Variants in KDM4D observed in about 807,000 individuals in gnomAD.
KDM4D encodes lysine demethylase 4D, also known as lysine-specific demethylase 4D.
For missense variants in KDM4D, 427 were observed against 674.8 expected (o/e 0.63, Z 4.07); for synonymous variants, 254 against 249.1 (o/e 1.02, Z -0.19).
At chr11:94,988,875 TAGAG>T (rs1400182258) in intron 2 of KDM4D, among the ~76,000 whole-genome samples, 5 of 151,814 alleles carry the variant, frequency 3.3e-5, no homozygotes, top group African/African-American at 1.2e-4. Context: ...TCTAACATAA[TAGAG>T]AGGGAAAGGG....
intron 2 of KDM4D, among the ~76,000 whole-genome samples, chr11:94,979,886 G>A (rs1251289416): frequency 2.0e-5 from 3 of 152,064 alleles, no homozygotes; most frequent in African/African-American, 4.8e-5. Context: ...TTGATTGTCC[G>A]GCTTTTCAAT....
intron 2 of KDM4D, among the ~76,000 whole-genome samples, chr11:94,976,676 A>T (rs115642714): frequency 6.6e-6 from 1 of 152,286 alleles, no homozygotes; most frequent in African/African-American, 2.4e-5. Flanking sequence ...TTAGTATGCC[A>T]AAGGTAGCAT....
Position 94,998,966 on chromosome 11 carries a change from C to T in KDM4D, c.*22C>T, listed in dbSNP as rs1391974156. ...CTAAGTCCACGGGCTGTCTTTATAT[C>T]CCACTGCCCTGCTGTGTGACAGTTT... On this transcript the variant is annotated 3_prime_UTR_variant, in exon 3 of 3. Coordinates refer to ENST00000335080, the MANE Select transcript of KDM4D (RefSeq NM_018039.3). The surrounding 1 kb of genome is among the most constrained non-coding windows in gnomAD (Gnocchi z 6.7). The T allele has an allele frequency of 1.3e-6, 2 of 1,497,690 alleles. No individual in the cohort carries two copies. The highest frequency in any genetic ancestry group is 8.9e-7 in the Non-Finnish European group (1 of 1,122,874). 92.8% of individuals were successfully genotyped at this position (1,497,690 alleles called of 1,614,324 possible). A position where few individuals can be genotyped will look rare whatever the true frequency, so the allele number is the denominator to read the frequency against.
chr11:94,987,977 GAGA>G (rs1857902627), intron 2 of KDM4D, among the ~76,000 whole-genome samples: 1 of 152,142 alleles, frequency 6.6e-6, no homozygotes, highest in Non-Finnish European at 1.5e-5. Flanking sequence ...GGTATTTCCA[GAGA>G]AGGAGAAAAC....
intron 2 of KDM4D, among the ~76,000 whole-genome samples, chr11:94,985,395 A>G (rs1292390218): frequency 1.3e-5 from 2 of 152,236 alleles, no homozygotes. Flanking sequence ...AAATTTAACA[A>G]AAGAAGTGCA....
chr11:94,983,371 TATG>T (rs1555097784), intron 2 of KDM4D, among the ~76,000 whole-genome samples: 1 of 148,298 alleles, frequency 6.7e-6, no homozygotes, highest in Admixed American at 6.7e-5. Context: ...GACAAGAAAA[TATG>T]ATCTTTTTGA....
chr11:94,976,129 GATC>G (rs1857795424), intron 2 of KDM4D, among the ~76,000 whole-genome samples: 1 of 152,150 alleles, frequency 6.6e-6, no homozygotes, highest in African/African-American at 2.4e-5. Flanking sequence ...AAATTCATCT[GATC>G]AGTTAACCTA....
intron 2 of KDM4D, among the ~76,000 whole-genome samples, chr11:94,993,996 C>A (rs973490927): frequency 6.6e-6 from 1 of 151,912 alleles, no homozygotes; most frequent in Non-Finnish European, 1.5e-5. Flanking sequence ...TACAGGTAAT[C>A]TTGTCACTTG....
At chr11:94,980,740 TATC>T (rs1194991315) in intron 2 of KDM4D, among the ~76,000 whole-genome samples, 2 of 152,186 alleles carry the variant, frequency 1.3e-5, no homozygotes, top group African/African-American at 4.8e-5. Flanking sequence ...TGTGTAGAAA[TATC>T]ATTGATTTTT....
intron 2 of KDM4D, among the ~76,000 whole-genome samples, chr11:94,977,365 T>G (rs1266147137): frequency 1.3e-5 from 2 of 152,150 alleles, no homozygotes; most frequent in Non-Finnish European, 1.5e-5. Flanking sequence ...TCCAAAGTTT[T>G]CTATGGTCTA....
rs1555099355 is a variant in KDM4D, at chr11:94,997,575, A to G, written c.203A>G (p.Glu68Gly). ...KARETYDNISEILIATPLQQV... is the reference protein window; with the variant it reads ...KARETYDNISGILIATPLQQV... ...AGAGAGACCTATGATAATATCAGTG[A>G]AATCTTAATAGCCACTCCCCTCCAG... The change falls in exon 3 of 3, where the codon GAA (glutamate) becomes GGA (glycine). Residue 68 changes from glutamate (E) to glycine (G), a missense_variant. Glu to Gly is a moderately conservative substitution (Grantham distance 98, BLOSUM62 -2). Coordinates refer to ENST00000335080, the MANE Select transcript of KDM4D (RefSeq NM_018039.3). The G allele has an allele frequency of 6.2e-7, 1 of 1,613,988 alleles. No homozygotes were observed. The highest frequency in any genetic ancestry group is 8.5e-7 in the Non-Finnish European group (1 of 1,180,000).
chr11:94,988,426 T>C (rs1555098320), intron 2 of KDM4D, among the ~76,000 whole-genome samples: 1 of 152,194 alleles, frequency 6.6e-6, no homozygotes, highest in Non-Finnish European at 1.5e-5. Flanking sequence ...CGGAACTCAA[T>C]TATCCAGCAC....
intron 2 of KDM4D, among the ~76,000 whole-genome samples, chr11:94,996,638 T>G (rs1857977777): frequency 6.6e-6 from 1 of 152,232 alleles, no homozygotes; most frequent in African/African-American, 2.4e-5. Flanking sequence ...ACTTATTCAT[T>G]CTATTGCTGA....
chr11:94,991,735 G>A (rs1857936304), intron 2 of KDM4D, among the ~76,000 whole-genome samples: 1 of 151,546 alleles, frequency 6.6e-6, no homozygotes, highest in Non-Finnish European at 1.5e-5. Context: ...TCCATGAAAG[G>A]TCCAATATCT....
At chr11:94,987,899 A>G (rs1015764889) in intron 2 of KDM4D, among the ~76,000 whole-genome samples, 1 of 151,022 alleles carries the variant, frequency 6.6e-6, no homozygotes, top group South Asian at 2.1e-4. Flanking sequence ...AGCATTAGGA[A>G]ATGGAGAGTA....
intron 2 of KDM4D, among the ~76,000 whole-genome samples, chr11:94,983,427 A>G (rs915297287): frequency 2.0e-4 from 30 of 152,262 alleles, no homozygotes; most frequent in African/African-American, 7.0e-4. Context: ...ACACAAAGGC[A>G]CAAATCATAA....
In KDM4D at chr11:94,997,474, T is replaced by C; in HGVS notation, c.102T>C (p.Tyr34=). The part of the protein sequence containing the change: ...TKEEFNDFDK[Y]IAYMESQGAH... The stretch of plus-strand genomic sequence containing the variant: ...AAGAGTTTAATGATTTTGATAAATA[T>C]ATTGCTTACATGGAATCCCAAGGTG... The change falls in exon 3 of 3, where the codon TAT becomes TAC. Residue 34 remains tyrosine, a synonymous_variant. Transcript: ENST00000335080. 1 of 1,614,098 alleles carries C rather than the reference T, an allele frequency of 6.2e-7. No individual in the cohort carries two copies. The highest frequency in any genetic ancestry group is 8.5e-7 in the Non-Finnish European group (1 of 1,179,968).
chr11:94,995,330 T>C (rs1857967009), intron 2 of KDM4D, among the ~76,000 whole-genome samples: 1 of 152,198 alleles, frequency 6.6e-6, no homozygotes, highest in Non-Finnish European at 1.5e-5. Context: ...TAGGATACTA[T>C]AAAGTGCTTA....
intron 2 of KDM4D, among the ~76,000 whole-genome samples, chr11:94,975,963 A>G (rs988053868): frequency 6.6e-6 from 1 of 152,234 alleles, no homozygotes. Flanking sequence ...TAGCCACCCT[A>G]TAATTTCATT....
Sources: gnomAD v4.1 joint callset for allele counts (sites outside exome capture counted in the v4.1 genomes callset) on GRCh38, gnomAD v4.1.1 for gene constraint, Gnocchi (gnomAD v3.1) non-coding constraint, MANE v1.5 for transcripts, NCBI Gene and HGNC (gene_info 2026-07-23, HGNC 2026-07-21) for gene names.